Variants in RALYL observed in about 807,000 individuals in gnomAD.
RALYL encodes RALY RNA binding protein like.
A neutral mutation model predicts 35.1 loss-of-function variants in RALYL; 29 were observed. That is an observed-to-expected ratio of 0.83 (90% CI 0.61 to 1.13). The LOEUF is 1.13. Ranked by LOEUF, RALYL falls within the 50% of genes most tolerant of loss-of-function variation. RALYL has a pLI of 0.00. For missense variants in RALYL, 359 were observed against 360.4 expected (o/e 1.00, Z 0.03); for synonymous variants, 120 against 127.6 (o/e 0.94, Z 0.40).
At chr8:84,406,061 TAAA>T (rs60532162) in intron 1 of RALYL, among the ~76,000 whole-genome samples, 5 of 127,276 alleles carry the variant, frequency 3.9e-5, no homozygotes, top group Admixed American at 8.1e-5. Flanking sequence ...ATACCTAAAG[TAAA>T]AAAAAAAAAA....
At chr8:84,560,168 C>A (rs930478943) in intron 2 of RALYL, among the ~76,000 whole-genome samples, 2 of 151,718 alleles carry the variant, frequency 1.3e-5, no homozygotes, top group African/African-American at 2.4e-5. Flanking sequence ...CATTCTTATG[C>A]CATTATTTAG....
intron 1 of RALYL, among the ~76,000 whole-genome samples, chr8:84,294,279 T>C (rs1384756540): frequency 6.6e-6 from 1 of 152,150 alleles, no homozygotes; most frequent in Non-Finnish European, 1.5e-5. Flanking sequence ...TCTAAGTACA[T>C]GATAACTAGA....
intron 2 of RALYL, among the ~76,000 whole-genome samples, chr8:84,720,793 C>CA (rs199507643): frequency 0.029 from 4,198 of 146,540 alleles, 85 homozygotes; most frequent in Middle Eastern, 0.071. Context: ...AACTCAATAG[C>CA]AAAAAAAAAC....
chr8:84,200,262 T>C, intron 1 of RALYL, among the ~76,000 whole-genome samples: 1 of 152,070 alleles, frequency 6.6e-6, no homozygotes, highest in Non-Finnish European at 1.5e-5. Flanking sequence ...ACAAAATAAA[T>C]ACATTGGATG....
At chr8:84,257,650 G>C (rs575197812) in intron 1 of RALYL, among the ~76,000 whole-genome samples, 1 of 152,164 alleles carries the variant, frequency 6.6e-6, no homozygotes, top group Admixed American at 6.5e-5. Context: ...GCCAGTTGTT[G>C]GCAGGCTAGG....
chr8:84,747,217 T>C (rs1364399063), intron 2 of RALYL, among the ~76,000 whole-genome samples: 2 of 151,810 alleles, frequency 1.3e-5, no homozygotes, highest in Non-Finnish European at 3.0e-5. Flanking sequence ...CTTTTCTGAA[T>C]TTTGATACCC....
chr8:84,395,055 A>G (rs1172928144), intron 1 of RALYL, among the ~76,000 whole-genome samples: 1 of 151,920 alleles, frequency 6.6e-6, no homozygotes, highest in African/African-American at 2.4e-5. Flanking sequence ...ACAAAAACAC[A>G]AAGAAGAAAA....
chr8:84,887,592 TCC>T lies in RALYL; in HGVS notation c.686-4_686-3del, dbSNP rs10712255. On this transcript the variant is annotated splice_polypyrimidine_tract_variant and intron_variant, in intron 7 of 8. Transcript: ENST00000521268. ...CCCAAGGTAGTAGTCATTTGCTTTC[TCC>T]CCCCCCCAGAAGCTCAGAAGAAGCA... 175 of 1,570,278 alleles carry T rather than the reference TCC, an allele frequency of 1.1e-4. 1 individual carries two copies. Among genetic ancestry groups the T allele is most frequent in the African/African-American group, 1.0e-3 (75 of 73,284 alleles).
chr8:84,906,690 A>T (rs564052920), intron 8 of RALYL, among the ~76,000 whole-genome samples: 3 of 118,076 alleles, frequency 2.5e-5, no homozygotes, highest in African/African-American at 1.7e-4. Flanking sequence ...TTAATTGATT[A>T]AAAAAAAAAA....
At chr8:84,487,352 A>G (rs1457477326) in intron 1 of RALYL, among the ~76,000 whole-genome samples, 7 of 152,114 alleles carry the variant, frequency 4.6e-5, no homozygotes, top group Admixed American at 3.9e-4. Flanking sequence ...ATTTTGAGAT[A>G]AGAAATTCAA....
chr8:84,528,002 T>G (rs2059023077), intron 1 of RALYL, among the ~76,000 whole-genome samples: 2 of 152,170 alleles, frequency 1.3e-5, no homozygotes, highest in South Asian at 4.1e-4. Context: ...CAGGAGTATC[T>G]GTTTTAAATG....
chr8:84,296,561 A>C (rs941763060), intron 1 of RALYL, among the ~76,000 whole-genome samples: 1 of 149,584 alleles, frequency 6.7e-6, no homozygotes, highest in Non-Finnish European at 1.5e-5. Context: ...TGACATGCCG[A>C]GTCACAAGAA....
intron 4 of RALYL, among the ~76,000 whole-genome samples, chr8:84,818,033 T>A (rs1400904609): frequency 6.6e-6 from 1 of 152,122 alleles, no homozygotes; most frequent in African/African-American, 2.4e-5. Context: ...GACTGAATAT[T>A]TTAGAAGTGT....
chr8:84,868,908 T>G (rs920891530), intron 6 of RALYL, among the ~76,000 whole-genome samples: 1 of 152,122 alleles, frequency 6.6e-6, no homozygotes, highest in Non-Finnish European at 1.5e-5. Context: ...AAATTAGCCT[T>G]TTCATATTAA....
chr8:84,859,301 G>A (rs1837651934), intron 5 of RALYL, among the ~76,000 whole-genome samples: 1 of 152,090 alleles, frequency 6.6e-6, no homozygotes, highest in Non-Finnish European at 1.5e-5. Context: ...GATGAGGAGG[G>A]GCGCAAAGGG....
chr8:84,327,544 T>C (rs1405532144), intron 1 of RALYL, among the ~76,000 whole-genome samples: 2 of 152,206 alleles, frequency 1.3e-5, no homozygotes, highest in African/African-American at 2.4e-5. Flanking sequence ...AATAGTTTTG[T>C]TGGAACACAA....
At chr8:84,372,886 G>GTTTTTTTTTTTTTGTTTTGTTTT (rs1856071710) in intron 1 of RALYL, among the ~76,000 whole-genome samples, 17 of 39,064 alleles carry the variant, frequency 4.4e-4, no homozygotes, top group Admixed American at 7.6e-4. Flanking sequence ...GCCAGCATCT[G>GTTTTTTTTTTTTTGTTTTGTTTT]TTTTTTTTTT....
chr8:84,863,395 C>G (rs1838512988), intron 6 of RALYL, among the ~76,000 whole-genome samples: 1 of 152,176 alleles, frequency 6.6e-6, no homozygotes, highest in Non-Finnish European at 1.5e-5. Flanking sequence ...CAGAGCCGAG[C>G]CAGAGAGAGA....
chr8:84,522,249 A>T (rs909411078), intron 1 of RALYL, among the ~76,000 whole-genome samples: 118 of 133,874 alleles, frequency 8.8e-4, no homozygotes, highest in African/African-American at 2.7e-3. Context: ...TAGAAAGGAA[A>T]TTTTTTTTTT....
Sources: allele counts gnomAD v4.1 joint callset (sites outside exome capture counted in the v4.1 genomes callset), GRCh38; gene constraint gnomAD v4.1.1; transcripts MANE v1.5; gene names NCBI Gene and HGNC (gene_info 2026-07-23, HGNC 2026-07-21).